TRIO: variants seen among roughly 807,000 people sequenced by gnomAD.
TRIO encodes trio Rho guanine nucleotide exchange factor.
Under a neutral mutation model 351.9 loss-of-function variants are expected in TRIO, and 58 were observed. The ratio of observed to expected loss-of-function variants is 0.16; its 90% CI spans 0.13 to 0.21. The LOEUF is 0.21. TRIO is among the 10% of genes least tolerant of loss of function. The probability of loss-of-function intolerance (pLI) is 1.00; values close to 1 mark genes in which losing one functional copy is unlikely to be tolerated. For synonymous variants in TRIO, 1,758 were observed against 1,595.7 expected (o/e 1.10, Z -2.42); for missense variants, 3,201 against 4,027.8 (o/e 0.79, Z 5.56).
In TRIO at chr5:14,358,331, C is replaced by T. The variant is rs374608016; in HGVS notation, c.2200C>T (p.Leu734Phe). ...CAACGTGATCAAGGAAGGGGAGGACCTCATCCAGCAGCTCAGGTGGGCCTC... is the reference window on the plus strand; with the variant it reads ...CAACGTGATCAAGGAAGGGGAGGACTTCATCCAGCAGCTCAGGTGGGCCTC... ...TVNVIKEGED[L>F]IQQLRDSAIS... Residue 734 changes from leucine to phenylalanine, a missense_variant, in exon 12 of 57, where the codon CTC becomes TTC. By Grantham distance (22) the Leu-to-Phe change is conservative. This residue lies in a region of TRIO where 363 missense variants were observed against 553.5 expected (regional missense o/e 0.66). Transcript: ENST00000344204. 1 of 1,614,122 alleles carries T rather than the reference C, an allele frequency of 6.2e-7. No homozygotes were observed. Among genetic ancestry groups the T allele is most frequent in the Non-Finnish European group, 8.5e-7 (1 of 1,179,990 alleles).
At chr5:14,304,954 A>G (rs1738231263) in intron 8 of TRIO, among the ~76,000 whole-genome samples, 2 of 152,226 alleles carry the variant, frequency 1.3e-5, no homozygotes, top group Admixed American at 6.5e-5. Flanking sequence ...TTTAGAGAAG[A>G]TGGGCTAGAT....
Position 14,366,844 on chromosome 5 carries a change from C to G in TRIO, c.2755-16C>G, listed in dbSNP as rs1291099601. 3.7e-6 allele frequency: 6 copies of G among 1,614,080 alleles called. No individual in the cohort carries two copies. Among genetic ancestry groups the G allele is most frequent in the Non-Finnish European group, 5.1e-6 (6 of 1,179,982 alleles). On this transcript the variant is annotated splice_polypyrimidine_tract_variant and intron_variant, in intron 15 of 56. Transcript: ENST00000344204. ...GGGAAGTCCACTGCTTGGAGTTATC[C>G]TGTGTAATGTTTCAGGTGCTGGGTT...
intron 1 of TRIO, among the ~76,000 whole-genome samples, chr5:14,166,020 T>C (rs1788744664): frequency 6.6e-6 from 1 of 152,276 alleles, no homozygotes; most frequent in Non-Finnish European, 1.5e-5. Context: ...CTCTTGTTTC[T>C]CATTCTTCTT....
At chr5:14,273,138 C>T (rs1735185784) in intron 2 of TRIO, among the ~76,000 whole-genome samples, 1 of 152,094 alleles carries the variant, frequency 6.6e-6, no homozygotes, top group Non-Finnish European at 1.5e-5. Context: ...TGCTCTGACC[C>T]CATTTTAAAA....
chr5:14,318,636 C>A (rs777284427), intron 9 of TRIO, among the ~76,000 whole-genome samples: 5 of 152,058 alleles, frequency 3.3e-5, no homozygotes, highest in Non-Finnish European at 7.4e-5. Context: ...AGATAATTGC[C>A]AGAGAAAGAA....
At position 14,143,774 on chromosome 5, in the gene TRIO, C is replaced by T. The variant is rs1376919961; in HGVS notation, c.49C>T (p.Pro17Ser). 1 of 1,011,772 alleles carries T rather than the reference C, an allele frequency of 9.9e-7. No individual in the cohort carries two copies. Among genetic ancestry groups the T allele is most frequent in the Non-Finnish European group, 1.2e-6 (1 of 849,254 alleles). 62.7% of individuals were successfully genotyped at this position (1,011,772 alleles called of 1,614,324 possible). Reference sequence around the variant, plus strand: ...CGCCGCCCCCGCCGCGTCCTCCGGCCCCGCCGCGGCGGCCAGCGCGGCTGG... The same window carrying T: ...CGCCGCCCCCGCCGCGTCCTCCGGCTCCGCCGCGGCGGCCAGCGCGGCTGG... ...GAAAPAASSGPAAAASAAGSG... is the reference protein window; with the variant it reads ...GAAAPAASSGSAAAASAAGSG... The change falls in exon 1 of 57, where the codon CCC (proline) becomes TCC (serine). Residue 17 changes from proline to serine, a missense_variant. Pro to Ser is a moderately conservative substitution (Grantham distance 74). Transcript: ENST00000344204.
At chr5:14,228,518 C>G (rs1472384982) in intron 1 of TRIO, among the ~76,000 whole-genome samples, 2 of 152,246 alleles carry the variant, frequency 1.3e-5, no homozygotes, top group Non-Finnish European at 2.9e-5. Context: ...GACTGAAAGT[C>G]ACTCAGTAGC....
At chr5:14,423,480 G>A (rs1750351273) in intron 34 of TRIO, among the ~76,000 whole-genome samples, 1 of 152,222 alleles carries the variant, frequency 6.6e-6, no homozygotes, top group African/African-American at 2.4e-5. Context: ...GAAGTAAACA[G>A]AAATGTCAAG....
intron 11 of TRIO, among the ~76,000 whole-genome samples, chr5:14,352,083 A>G (rs1309671715): frequency 6.6e-6 from 1 of 152,120 alleles, no homozygotes; most frequent in African/African-American, 2.4e-5. Context: ...TCGGGTTTTC[A>G]CCACAGAACT....
chr5:14,343,618 T>G (rs1212431050), intron 11 of TRIO, among the ~76,000 whole-genome samples: 1 of 152,232 alleles, frequency 6.6e-6, no homozygotes, highest in Non-Finnish European at 1.5e-5. Context: ...CTGAGTGGTA[T>G]TTCATGGTCT....
chr5:14,369,177 G>A (rs1270130446), intron 17 of TRIO, among the ~76,000 whole-genome samples, 197 bp from the exon 18 acceptor site: 2 of 152,182 alleles, frequency 1.3e-5, no homozygotes, highest in African/African-American at 4.8e-5. Context: ...CTTTGGTTTT[G>A]TTCTCGCTCT....
At chr5:14,369,119 CA>C (rs1415882404) in intron 17 of TRIO, among the ~76,000 whole-genome samples, 2 of 152,162 alleles carry the variant, frequency 1.3e-5, no homozygotes, top group Non-Finnish European at 2.9e-5. Context: ...CTCTTCTTGT[CA>C]TTTAAACATA....
At chr5:14,457,786 A>G (rs1351644298) in intron 34 of TRIO, among the ~76,000 whole-genome samples, 1 of 151,966 alleles carries the variant, frequency 6.6e-6, no homozygotes, top group African/African-American at 2.4e-5. Flanking sequence ...CCCTTTTCCG[A>G]GAGCACGCCT....
chr5:14,390,171 C>A (rs376777198), intron 25 of TRIO, 60 bp from the exon 26 acceptor site: 42 of 1,498,802 alleles, frequency 2.8e-5, no homozygotes, highest in Non-Finnish European at 3.8e-5. Flanking sequence ...TCTGGCATAT[C>A]TCACTAGTAA....
chr5:14,199,871 T>G (rs1326100874), intron 1 of TRIO, among the ~76,000 whole-genome samples: 1 of 152,072 alleles, frequency 6.6e-6, no homozygotes, highest in Non-Finnish European at 1.5e-5. Flanking sequence ...GACAGGGAGT[T>G]GGGGAGGAGA....
At chr5:14,345,801 A>G (rs528478471) in intron 11 of TRIO, among the ~76,000 whole-genome samples, 1 of 152,214 alleles carries the variant, frequency 6.6e-6, no homozygotes, top group South Asian at 2.1e-4. Flanking sequence ...CAGCTTCCCA[A>G]AGTGCTGGGA....
At chr5:14,447,807 C>G (rs921872904) in intron 34 of TRIO, among the ~76,000 whole-genome samples, 3 of 152,188 alleles carry the variant, frequency 2.0e-5, no homozygotes, top group African/African-American at 7.2e-5. Flanking sequence ...TGTTTAATGT[C>G]AAGAACTATT....
At chr5:14,441,537 A>AT (rs1752049921) in intron 34 of TRIO, among the ~76,000 whole-genome samples, 1 of 151,918 alleles carries the variant, frequency 6.6e-6, no homozygotes, top group African/African-American at 2.4e-5. Flanking sequence ...GAGATGGTTT[A>AT]TGGGGGGGCC....
At position 14,465,554 on chromosome 5, in the gene TRIO, C is replaced by G; in HGVS notation, c.5677C>G (p.Arg1893Gly). 1 of 1,614,004 alleles carries G rather than the reference C, an allele frequency of 6.2e-7. No individual in the cohort carries two copies. The highest frequency in any genetic ancestry group is 8.5e-7 in the Non-Finnish European group (1 of 1,180,000). Residue 1893 changes from arginine to glycine, a missense_variant, in exon 37 of 57, where the codon CGG (arginine) becomes GGG (glycine). By Grantham distance (125) the Arg-to-Gly change is moderately radical. Coordinates refer to ENST00000344204, the MANE Select transcript of TRIO (RefSeq NM_007118.4). ...TTAATTTCTTCTGTAGGCCTCTTCT[C>G]GGTTATTAGTCCGCCCCACCAGCTC... ...PDSQDDKASS[R>G]LLVRPTSSET...
Sources: gnomAD v4.1 joint callset for allele counts (sites outside exome capture counted in the v4.1 genomes callset) on GRCh38, gnomAD v4.1.1 for gene constraint, gnomAD v4.1.1 regional missense constraint, MANE v1.5 for transcripts, NCBI Gene and HGNC (gene_info 2026-07-23, HGNC 2026-07-21) for gene names.